The following FAM168A variants were observed in gnomAD, a reference collection of about 807,000 sequenced individuals.
FAM168A encodes the protein family with sequence similarity 168 member A.
A neutral mutation model predicts 28.5 loss-of-function variants in FAM168A; 3 were observed. The observed-to-expected ratio is 0.11, with a 90% confidence interval of 0.05 to 0.27. FAM168A has a LOEUF of 0.27. Among genes scored for constraint, FAM168A ranks in the 10% least tolerant of loss-of-function variants. The probability of loss-of-function intolerance (pLI) is 1.00; values close to 1 mark genes in which losing one functional copy is unlikely to be tolerated. For synonymous variants in FAM168A, 122 were observed against 124.2 expected (o/e 0.98, Z 0.12); for missense variants, 222 against 311.5 (o/e 0.71, Z 2.16).
At position 73,402,017 on chromosome 11, in the gene FAM168A, G is replaced by C. The variant is rs903650823; in HGVS notation, c.*4746C>G. The C allele has an allele frequency of 6.6e-6, 1 of 152,310 alleles. No homozygotes were observed. The highest frequency in any genetic ancestry group is 2.4e-5 in the African/African-American group (1 of 41,468). 9.4% of individuals were successfully genotyped at this position (152,310 alleles called of 1,614,324 possible). A position where few individuals can be genotyped will look rare whatever the true frequency, so the allele number is the denominator to read the frequency against. On this transcript the variant is annotated 3_prime_UTR_variant, in exon 8 of 8. Transcript: ENST00000356467. ...TGGCATGCCTGCCTGTGCGCTCAGA[G>C]GCTCCGGTGTGGAATCCCATCAGTT...
intron 1 of FAM168A, among the ~76,000 whole-genome samples, chr11:73,549,857 CA>C (rs1565294273): frequency 6.6e-6 from 1 of 152,192 alleles, no homozygotes; most frequent in East Asian, 1.9e-4. Context: ...TCCTTCACCC[CA>C]AACCGAAGTT....
At chr11:73,451,089 G>A (rs1464346684) in intron 2 of FAM168A, among the ~76,000 whole-genome samples, 1 of 152,164 alleles carries the variant, frequency 6.6e-6, no homozygotes, top group Non-Finnish European at 1.5e-5. Flanking sequence ...AGATAATTCT[G>A]AGAACCCCTT....
intron 1 of FAM168A, among the ~76,000 whole-genome samples, chr11:73,595,269 A>G (rs554252723): frequency 1.3e-5 from 2 of 152,308 alleles, no homozygotes; most frequent in East Asian, 3.9e-4. Context: ...CTTTATTATA[A>G]TACAGAAAGC....
chr11:73,440,579 G>A (rs1308051767), intron 2 of FAM168A, among the ~76,000 whole-genome samples: 4 of 152,096 alleles, frequency 2.6e-5, no homozygotes, highest in African/African-American at 7.2e-5. Flanking sequence ...GCAGTGAGCC[G>A]TGACTGCACC....
chr11:73,587,172 A>AAAC (rs2134742733), intron 1 of FAM168A, among the ~76,000 whole-genome samples: 1 of 150,138 alleles, frequency 6.7e-6, no homozygotes, highest in African/African-American at 2.5e-5. Context: ...AAAAAAAAAA[A>AAAC]AAAAAACTAA....
intron 1 of FAM168A, among the ~76,000 whole-genome samples, chr11:73,474,328 GA>G (rs1380418136): frequency 2.1e-5 from 3 of 139,744 alleles, no homozygotes; most frequent in South Asian, 2.1e-4. Flanking sequence ...TTAAAAAAAT[GA>G]TTTTTTTTTT....
chr11:73,530,098 T>C (rs1943498101), intron 1 of FAM168A, among the ~76,000 whole-genome samples: 1 of 152,090 alleles, frequency 6.6e-6, no homozygotes, highest in African/African-American at 2.4e-5. Context: ...AAACAGTAAT[T>C]AATGATCAAC....
chr11:73,483,795 C>T (rs1223707936), intron 1 of FAM168A, among the ~76,000 whole-genome samples: 1 of 152,140 alleles, frequency 6.6e-6, no homozygotes, highest in Non-Finnish European at 1.5e-5. Flanking sequence ...CAACAGACAA[C>T]TGGGAATCTG....
At chr11:73,565,833 C>T (rs1944014666) in intron 1 of FAM168A, among the ~76,000 whole-genome samples, 2 of 152,126 alleles carry the variant, frequency 1.3e-5, no homozygotes, top group Non-Finnish European at 2.9e-5. Flanking sequence ...TAAGAGGATT[C>T]CACTGTTTCA....
At chr11:73,576,029 T>C (rs1480452193) in intron 1 of FAM168A, among the ~76,000 whole-genome samples, 1 of 152,240 alleles carries the variant, frequency 6.6e-6, no homozygotes, top group Non-Finnish European at 1.5e-5. Flanking sequence ...ATGGGTTGTT[T>C]GGTGTCATGG....
intron 1 of FAM168A, among the ~76,000 whole-genome samples, chr11:73,534,448 G>C (rs1255944349): frequency 6.6e-6 from 1 of 151,160 alleles, no homozygotes; most frequent in Non-Finnish European, 1.5e-5. Flanking sequence ...TGTCACCCAG[G>C]CTGGAGCGCA....
chr11:73,512,099 G>A (rs1220880528), intron 1 of FAM168A, among the ~76,000 whole-genome samples: 1 of 152,134 alleles, frequency 6.6e-6, no homozygotes, highest in Non-Finnish European at 1.5e-5. Flanking sequence ...GGATAAATGT[G>A]CCTACCATGT....
intron 4 of FAM168A, among the ~76,000 whole-genome samples, chr11:73,418,774 C>T (rs975806143): frequency 6.6e-6 from 1 of 152,000 alleles, no homozygotes; most frequent in East Asian, 1.9e-4. Context: ...CAAAGTTCTT[C>T]CTTATATGGA....
At chr11:73,464,658 C>T (rs1867705739) in intron 2 of FAM168A, among the ~76,000 whole-genome samples, 1 of 152,176 alleles carries the variant, frequency 6.6e-6, no homozygotes, top group Non-Finnish European at 1.5e-5. Context: ...CCAGACTCAA[C>T]CCCAACACTT....
At chr11:73,544,894 A>T (rs867681802) in intron 1 of FAM168A, among the ~76,000 whole-genome samples, 4 of 93,528 alleles carry the variant, frequency 4.3e-5, no homozygotes, top group African/African-American at 9.6e-5. Flanking sequence ...ATAAAATATA[A>T]AATATATTAT....
chr11:73,546,557 GC>G (rs765292535), intron 1 of FAM168A, among the ~76,000 whole-genome samples: 1 of 152,116 alleles, frequency 6.6e-6, no homozygotes, highest in African/African-American at 2.4e-5. Flanking sequence ...AAATGGTGAA[GC>G]CTTGTCTCTA....
rs543720649 is a variant in FAM168A, at chr11:73,445,758, A to C, written c.71-14988T>G. Reference sequence around the variant, plus strand: ...CTCTAGAAAATACTACCATTTCAACACCTTTTTGTTTAGAGCTACCATTAG... The same window carrying C: ...CTCTAGAAAATACTACCATTTCAACCCCTTTTTGTTTAGAGCTACCATTAG... On this transcript the variant is annotated intron_variant, in intron 2 of 7. Transcript: ENST00000356467. Among the ~76,000 whole-genome samples the C allele has an allele frequency of 2.0e-5, 3 of 152,210 alleles. No homozygotes were observed. In the South Asian group the frequency reaches 6.2e-4, roughly 32 times the overall value.
intron 3 of FAM168A, among the ~76,000 whole-genome samples, chr11:73,429,825 T>C (rs1199503323): frequency 6.6e-6 from 1 of 152,216 alleles, no homozygotes; most frequent in Non-Finnish European, 1.5e-5. Flanking sequence ...AAAGATGGCA[T>C]CATTTAATTT....
chr11:73,547,096 AAAAAG>A (rs1158847481), intron 1 of FAM168A, among the ~76,000 whole-genome samples: 1 of 150,998 alleles, frequency 6.6e-6, no homozygotes, highest in Non-Finnish European at 1.5e-5. Context: ...AAAAAAAAAA[AAAAAG>A]AAAGAAAGAA....
Sources: gnomAD v4.1 joint callset for allele counts (sites outside exome capture counted in the v4.1 genomes callset) on GRCh38, gnomAD v4.1.1 for gene constraint, MANE v1.5 for transcripts, NCBI Gene and HGNC (gene_info 2026-07-23, HGNC 2026-07-21) for gene names.